The following DSCAM variants were observed in gnomAD, a reference collection of about 807,000 sequenced individuals.
DSCAM encodes DS cell adhesion molecule, also known as cell adhesion molecule DSCAM.
A neutral mutation model predicts 217.7 loss-of-function variants in DSCAM; 47 were observed. The observed-to-expected ratio is 0.22, with a 90% CI of 0.17 to 0.28. The LOEUF is 0.28. Ranked by LOEUF, DSCAM falls within the 10% of genes least tolerant of loss-of-function variation. DSCAM has a pLI of 1.00. For missense variants in DSCAM, 2,080 were observed against 2,618.3 expected (o/e 0.79, Z 4.49); for synonymous variants, 1,056 against 1,015.3 (o/e 1.04, Z -0.76).
chr21:40,492,585 C>T (rs564405681), intron 3 of DSCAM, among the ~76,000 whole-genome samples: 16 of 150,894 alleles, frequency 1.1e-4, no homozygotes, highest in African/African-American at 1.9e-4. Flanking sequence ...AAAATACAAT[C>T]GAGGAGCAGA....
At chr21:40,777,521 T>C (rs1323997247) in intron 1 of DSCAM, among the ~76,000 whole-genome samples, 2 of 152,104 alleles carry the variant, frequency 1.3e-5, no homozygotes, top group African/African-American at 2.4e-5. Flanking sequence ...AATACAAACG[T>C]TGGATGAAAC....
intron 32 of DSCAM, among the ~76,000 whole-genome samples, chr21:40,018,290 T>C (rs2088201105): frequency 6.6e-6 from 1 of 152,214 alleles, no homozygotes; most frequent in South Asian, 2.1e-4. Flanking sequence ...TGAAAGTGAT[T>C]ATGTCTTTAT....
chr21:40,835,699 A>G (rs1340154423), intron 1 of DSCAM, among the ~76,000 whole-genome samples: 1 of 152,232 alleles, frequency 6.6e-6, no homozygotes. Flanking sequence ...AGATCTCAGG[A>G]CACAAAAAGG....
At chr21:40,138,386 GAT>G (rs1265111687) in intron 18 of DSCAM, among the ~76,000 whole-genome samples, 33 of 151,002 alleles carry the variant, frequency 2.2e-4, no homozygotes, top group South Asian at 2.1e-4. Flanking sequence ...TGTGTTGTGT[GAT>G]GTGTGGTGTG....
intron 10 of DSCAM, among the ~76,000 whole-genome samples, chr21:40,290,853 C>T (rs999653079): frequency 6.6e-6 from 1 of 152,154 alleles, no homozygotes; most frequent in Admixed American, 6.5e-5. Flanking sequence ...TCATACTGAG[C>T]ACAAAATCAA....
intron 3 of DSCAM, among the ~76,000 whole-genome samples, chr21:40,507,526 C>T (rs2076219358): frequency 6.6e-6 from 1 of 152,144 alleles, no homozygotes; most frequent in Non-Finnish European, 1.5e-5. Context: ...TGTGGTGACT[C>T]ACACCTGTAA....
intron 16 of DSCAM, among the ~76,000 whole-genome samples, chr21:40,155,962 C>T (rs888734232): frequency 6.6e-6 from 1 of 152,014 alleles, no homozygotes; most frequent in African/African-American, 2.4e-5. Context: ...AGCCAGGAGT[C>T]GCCCCAGCCA....
At chr21:40,227,448 A>T (rs1019914216) in intron 11 of DSCAM, among the ~76,000 whole-genome samples, 1 of 152,208 alleles carries the variant, frequency 6.6e-6, no homozygotes, top group African/African-American at 2.4e-5. Flanking sequence ...CTGATAGGAA[A>T]TGCTACTTTA....
rs916435388 is a variant in DSCAM, at chr21:40,632,808, G to A, written c.508+60002C>T. Among the ~76,000 whole-genome samples the A allele has an allele frequency of 3.9e-5, 6 of 152,126 alleles. No individual in the cohort carries two copies. The East Asian group carries it at 7.7e-4, about 20-fold the overall frequency. On this transcript the variant is annotated intron_variant, in intron 3 of 32. Transcript: ENST00000400454. ...GTGCTGCATCCACAGGAAGCCCAGC[G>A]CCACTGGAATGGAAAGATGGACGTG...
intron 5 of DSCAM, among the ~76,000 whole-genome samples, chr21:40,348,347 C>T (rs2074586812): frequency 6.6e-6 from 1 of 152,186 alleles, no homozygotes; most frequent in African/African-American, 2.4e-5. Context: ...GTATCAGCCA[C>T]ATTATTGCAA....
At chr21:40,644,527 T>A (rs2089920364) in intron 3 of DSCAM, among the ~76,000 whole-genome samples, 1 of 152,202 alleles carries the variant, frequency 6.6e-6, no homozygotes, top group Non-Finnish European at 1.5e-5. Flanking sequence ...TCTGGTCCAC[T>A]GTGGGCCAAG....
rs552785632 is a variant in DSCAM, at chr21:40,577,869, G to A, written c.508+114941C>T. 2.7e-4 allele frequency among the ~76,000 whole-genome samples: 41 copies of A among 152,244 alleles called. No homozygotes were observed. In the South Asian group the frequency reaches 7.3e-3, roughly 27 times the overall value. On this transcript the variant is annotated intron_variant, in intron 3 of 32. Transcript: ENST00000400454. ...AATCAGACGAAATCCTGGGAACTGC[G>A]GATACAGCTCGCCACAGTATCTTAT...
At chr21:40,657,417 A>G (rs1368945150) in intron 3 of DSCAM, among the ~76,000 whole-genome samples, 2 of 152,016 alleles carry the variant, frequency 1.3e-5, no homozygotes, top group Non-Finnish European at 2.9e-5. Context: ...CCAGGGTACG[A>G]CTCCTTTTAA....
intron 3 of DSCAM, among the ~76,000 whole-genome samples, chr21:40,691,575 A>C (rs1386014363): frequency 6.6e-6 from 1 of 152,218 alleles, no homozygotes; most frequent in Admixed American, 6.5e-5. Flanking sequence ...AGCAAATAAA[A>C]ATGTATAAGG....
chr21:40,543,137 A>T (rs1289519458), intron 3 of DSCAM, among the ~76,000 whole-genome samples: 1 of 152,264 alleles, frequency 6.6e-6, no homozygotes, highest in African/African-American at 2.4e-5. Context: ...TAAGTATTTA[A>T]AATATTTGAT....
intron 1 of DSCAM, among the ~76,000 whole-genome samples, chr21:40,830,540 A>G (rs1338082549): frequency 1.3e-5 from 2 of 152,212 alleles, no homozygotes; most frequent in Non-Finnish European, 2.9e-5. Context: ...TCATTCATCC[A>G]GGAAGACAGC....
chr21:40,457,282 C>A (rs370617057), intron 3 of DSCAM, among the ~76,000 whole-genome samples: 1 of 152,092 alleles, frequency 6.6e-6, no homozygotes, highest in South Asian at 2.1e-4. Context: ...AAAGCCAAGG[C>A]GGGAGGATTG....
intron 3 of DSCAM, among the ~76,000 whole-genome samples, chr21:40,563,748 A>G (rs1465000339): frequency 7.2e-6 from 1 of 139,790 alleles, no homozygotes; most frequent in Non-Finnish European, 1.6e-5. Context: ...ATATATAGTT[A>G]TATGTTTATA....
At chr21:40,061,205 C>T (rs1404682310) in intron 28 of DSCAM, among the ~76,000 whole-genome samples, 1 of 152,196 alleles carries the variant, frequency 6.6e-6, no homozygotes, top group Non-Finnish European at 1.5e-5. Flanking sequence ...ATCAAAAGTC[C>T]ATAGCCTGCC....
Sources: allele counts gnomAD v4.1 joint callset (sites outside exome capture counted in the v4.1 genomes callset), GRCh38; gene constraint gnomAD v4.1.1; transcripts MANE v1.5; gene names NCBI Gene and HGNC (gene_info 2026-07-23, HGNC 2026-07-21).